CCDC57: variants seen among roughly 807,000 people sequenced by gnomAD.
CCDC57 encodes the protein coiled-coil domain-containing protein 57.
CCDC57 carries 118 observed loss-of-function variants against 118.9 expected under a neutral mutation model. The observed-to-expected ratio is 0.99, with a 90% confidence interval of 0.86 to 1.16. The LOEUF is 1.16. CCDC57 is among the 50% of genes most tolerant of loss of function. The probability of loss-of-function intolerance (pLI) is 0.00; values close to 1 mark genes in which losing one functional copy is unlikely to be tolerated. For missense variants in CCDC57, 1,300 were observed against 1,320.7 expected, an observed-to-expected ratio of 0.98 and a Z score of 0.24; for synonymous variants, 527 against 532.9, an observed-to-expected ratio of 0.99 and a Z score of 0.15.
At chr17:82,167,124 C>T (rs894991745) in intron 13 of CCDC57, among the ~76,000 whole-genome samples, 3 of 152,086 alleles carry the variant, frequency 2.0e-5, no homozygotes, top group Admixed American at 1.3e-4. Flanking sequence ...AAACAAAACA[C>T]AGCCTCAGGG....
chr17:82,119,357 C>T (rs1407904364), intron 19 of CCDC57, among the ~76,000 whole-genome samples: 1 of 151,804 alleles, frequency 6.6e-6, no homozygotes, highest in Admixed American at 6.6e-5. Context: ...GCCTCCCATG[C>T]TCCCATCCCT....
At position 82,174,986 on chromosome 17, in the gene CCDC57, G is replaced by A. The variant is rs76850481; in HGVS notation, c.1507-2126C>T. Among the ~76,000 whole-genome samples, 1,285 of 152,280 alleles carry A rather than the reference G, an allele frequency of 8.4e-3. 11 individuals are homozygous for A. The highest frequency in any genetic ancestry group is 0.03 in the African/African-American group (1,231 of 41,554). ...CAGAGTGTGGCGTCTTCTCTAACTC[G>A]CCTGGGTACAACAACAGGAAACTGC... On this transcript the variant is annotated intron_variant, in intron 11 of 19. Coordinates refer to ENST00000665763, the Ensembl canonical transcript of CCDC57.
At chr17:82,128,524 C>A in exon 18 of CCDC57, 1 of 1,570,982 alleles carries the variant, frequency 6.4e-7, no homozygotes, top group Non-Finnish European at 8.6e-7. Flanking sequence ...AAGTCTGCTG[C>A]CCACCTGTGC....
chr17:82,159,609 T>C (rs1599023693), intron 14 of CCDC57, among the ~76,000 whole-genome samples: 1 of 152,014 alleles, frequency 6.6e-6, no homozygotes, highest in Non-Finnish European at 1.5e-5. Flanking sequence ...GCCCTTCCAG[T>C]GTGGGCATGT....
chr17:82,171,124 G>T (rs541192515), intron 13 of CCDC57, among the ~76,000 whole-genome samples: 1 of 147,046 alleles, frequency 6.8e-6, no homozygotes, highest in African/African-American at 2.5e-5. Flanking sequence ...AACAGGGAGC[G>T]CTGACTGCAG....
chr17:82,183,257 T>C (rs1008379181), intron 9 of CCDC57, among the ~76,000 whole-genome samples: 1 of 152,204 alleles, frequency 6.6e-6, no homozygotes, highest in Non-Finnish European at 1.5e-5. Flanking sequence ...GGAAATAGAA[T>C]GCTATCTTTG....
At chr17:82,193,054 G>GTGCTT (rs766937543) in intron 7 of CCDC57, among the ~76,000 whole-genome samples, 35 of 152,044 alleles carry the variant, frequency 2.3e-4, no homozygotes, top group Non-Finnish European at 4.1e-4. Context: ...TAAAAATTTT[G>GTGCTT]TGTTTTGTTT....
intron 13 of CCDC57, among the ~76,000 whole-genome samples, chr17:82,165,354 A>T (rs543377786): frequency 6.6e-6 from 1 of 152,216 alleles, no homozygotes; most frequent in East Asian, 1.9e-4. Context: ...ACTAGGGGAA[A>T]ATTCTGAACA....
At chr17:82,123,982 C>CAAAA (rs200031813) in intron 19 of CCDC57, among the ~76,000 whole-genome samples, 11 of 64,286 alleles carry the variant, frequency 1.7e-4, no homozygotes, top group Non-Finnish European at 2.3e-4. Flanking sequence ...CATCCAAAAG[C>CAAAA]AAAAAAAAAA....
intron 15 of CCDC57, chr17:82,155,657 A>G (rs1198278239): frequency 6.6e-6 from 1 of 152,294 alleles, no homozygotes; most frequent in South Asian, 2.1e-4. Context: ...TATACCCAAC[A>G]TAACGGACAC....
chr17:82,212,821 G>A (rs1003449710), upstream of CCDC57: 4 of 151,138 alleles, frequency 2.6e-5, no homozygotes, highest in African/African-American at 9.7e-5. This position sits in a 1 kb window ranked among gnomAD's most constrained non-coding sequence, Gnocchi z 4.1. Context: ...AGGTCCCGCC[G>A]CGTTGCCACA....
At chr17:82,170,106 G>A (rs1487335096) in intron 13 of CCDC57, among the ~76,000 whole-genome samples, 1 of 152,144 alleles carries the variant, frequency 6.6e-6, no homozygotes, top group Non-Finnish European at 1.5e-5. Flanking sequence ...CAAAATTTAC[G>A]GGTTGAAGCT....
intron 16 of CCDC57, among the ~76,000 whole-genome samples, chr17:82,150,983 A>C (rs75332803): frequency 2.2e-5 from 1 of 44,946 alleles, no homozygotes; most frequent in African/African-American, 8.3e-5. Context: ...AGAACCAGGC[A>C]CACACCCAGA....
exon 9 of CCDC57, chr17:82,183,932 T>C (rs2046519655): frequency 1.2e-6 from 2 of 1,612,972 alleles, no homozygotes; most frequent in Non-Finnish European, 1.7e-6. Context: ...CTTCACGAAG[T>C]CTAAACATAG....
intron 15 of CCDC57, chr17:82,157,382 G>A (rs763209509): frequency 3.6e-6 from 4 of 1,097,768 alleles, no homozygotes; most frequent in South Asian, 2.5e-5. Flanking sequence ...GGCTGTGCAC[G>A]CAGACGCCCC....
chr17:82,106,437 T>C lies in CCDC57; in HGVS notation c.2900-4571A>G, dbSNP rs73999395. On this transcript the variant is annotated intron_variant, in intron 19 of 19. Transcript: ENST00000665763. The stretch of plus-strand genomic sequence containing the variant: ...CCAAGCACAGGTGGCTGCAGGCTGG[T>C]GGGTGCCGAGGAGGCCACTAGGAGG... 1,436 of 152,976 alleles carry C rather than the reference T, an allele frequency of 9.4e-3. 13 individuals carry two copies. Among genetic ancestry groups the C allele is most frequent in the African/African-American group, 0.032 (1,340 of 41,572 alleles). 9.5% of individuals were successfully genotyped at this position (152,976 alleles called of 1,614,324 possible).
At chr17:82,159,231 T>C (rs2043027905) in intron 14 of CCDC57, among the ~76,000 whole-genome samples, 1 of 152,088 alleles carries the variant, frequency 6.6e-6, no homozygotes, top group Non-Finnish European at 1.5e-5. Context: ...ACTCCTGGGC[T>C]CAAGTGATCT....
chr17:82,175,497 A>G (rs182467721), intron 11 of CCDC57: 1 of 152,392 alleles, frequency 6.6e-6, no homozygotes, highest in East Asian at 1.9e-4. Context: ...ATGAATGCGT[A>G]TCTCACTGCC....
At chr17:82,123,981 G>T in intron 19 of CCDC57, among the ~76,000 whole-genome samples, 1 of 14,818 alleles carries the variant, frequency 6.7e-5, no homozygotes, top group Admixed American at 6.8e-4. Flanking sequence ...TCATCCAAAA[G>T]CAAAAAAAAA....
Sources: gnomAD v4.1 joint callset for allele counts (sites outside exome capture counted in the v4.1 genomes callset) on GRCh38, gnomAD v4.1.1 for gene constraint, Gnocchi (gnomAD v3.1) non-coding constraint, MANE v1.5 for transcripts, NCBI Gene and HGNC (gene_info 2026-07-23, HGNC 2026-07-21) for gene names.